MINDY2: variants seen among roughly 807,000 people sequenced by gnomAD.
The protein encoded by MINDY2 is MINDY lysine 48 deubiquitinase 2, also known as ubiquitin carboxyl-terminal hydrolase MINDY-2.
In MINDY2, 52 loss-of-function variants were observed where a neutral mutation model predicts 68.2. That is an observed-to-expected ratio of 0.76 (90% CI 0.61 to 0.96). The LOEUF is 0.96. MINDY2 is among the 40% of genes least tolerant of loss of function. MINDY2 has a pLI of 0.00. For synonymous variants in MINDY2, 372 were observed against 303.0 expected (o/e 1.23, Z -2.36); for missense variants, 881 against 773.4 (o/e 1.14, Z -1.65).
At chr15:58,842,686 T>C (rs1206304066) in intron 6 of MINDY2, among the ~76,000 whole-genome samples, 11 of 152,356 alleles carry the variant, frequency 7.2e-5, no homozygotes, top group African/African-American at 2.6e-4. Context: ...ATTTAGATGA[T>C]ACTCATGAAT....
intron 4 of MINDY2, among the ~76,000 whole-genome samples, chr15:58,818,271 T>A (rs2030831235): frequency 6.6e-6 from 1 of 151,886 alleles, no homozygotes; most frequent in Non-Finnish European, 1.5e-5. Context: ...ATTCTGGGGG[T>A]GGGGGAAGAC....
At chr15:58,841,763 A>G (rs2032299659) in intron 6 of MINDY2, among the ~76,000 whole-genome samples, 1 of 152,232 alleles carries the variant, frequency 6.6e-6, no homozygotes, top group Non-Finnish European at 1.5e-5. Flanking sequence ...TGAGGAGACC[A>G]TAAGAGAGCA....
intron 3 of MINDY2, among the ~76,000 whole-genome samples, chr15:58,807,783 C>CT (rs1182176942): frequency 7.9e-5 from 12 of 152,160 alleles, no homozygotes; most frequent in African/African-American, 2.9e-4. Flanking sequence ...GTCTCTTAGA[C>CT]TTTATCTCCT....
chr15:58,831,190 G>A (rs760617703), intron 5 of MINDY2, among the ~76,000 whole-genome samples: 7 of 151,764 alleles, frequency 4.6e-5, no homozygotes, highest in Non-Finnish European at 1.0e-4. Context: ...GCATAAAAAT[G>A]GCATAAAAAA....
intron 6 of MINDY2, among the ~76,000 whole-genome samples, chr15:58,842,165 A>T (rs1248591248): frequency 1.3e-5 from 2 of 151,954 alleles, no homozygotes; most frequent in Non-Finnish European, 2.9e-5. Flanking sequence ...CTTTATATTC[A>T]TGTCATAACT....
intron 1 of MINDY2, among the ~76,000 whole-genome samples, 170 bp from the exon 2 acceptor site, chr15:58,787,736 C>CAAAAAAA (rs5812951): frequency 3.2e-5 from 3 of 92,862 alleles, no homozygotes; most frequent in African/African-American, 7.8e-5. Flanking sequence ...GAGTCCGTCT[C>CAAAAAAA]AAAAAAAAAA....
chr15:58,771,309 C>G lies in MINDY2; in HGVS notation c.-87C>G. 6.6e-7 allele frequency: 1 copy of G among 1,517,994 alleles called. No individual in the cohort carries two copies. Among genetic ancestry groups the G allele is most frequent in the East Asian group, 2.5e-5 (1 of 40,792 alleles). 94.0% of individuals were successfully genotyped at this position (1,517,994 alleles called of 1,614,324 possible). A position where few individuals can be genotyped will look rare whatever the true frequency, so the allele number is the denominator to read the frequency against. The stretch of plus-strand genomic sequence containing the variant: ...CCGAGGCCGCGCCAGGGCGCTGTTG[C>G]TGCCAATACAGCTGTCATGGCGTCC... On this transcript the variant is annotated 5_prime_UTR_variant, in exon 1 of 9. Transcript: ENST00000559228.
At chr15:58,830,852 G>T (rs138908932) in intron 5 of MINDY2, among the ~76,000 whole-genome samples, 6 of 152,128 alleles carry the variant, frequency 3.9e-5, no homozygotes, top group Non-Finnish European at 7.4e-5. Context: ...CTGGGAATGT[G>T]CACATTGGGC....
rs2033162378 is a variant in MINDY2, at chr15:58,859,682, G to A, written c.*5072G>A. 1 of 152,072 alleles carries A rather than the reference G, an allele frequency of 6.6e-6. No homozygotes were observed. The allele number at this position is 152,072 out of a possible 1,614,324, so 9.4% of individuals were successfully genotyped here. A position where few individuals can be genotyped will look rare whatever the true frequency, so the allele number is the denominator to read the frequency against. On this transcript the variant is annotated 3_prime_UTR_variant, in exon 9 of 9. Coordinates refer to ENST00000559228, the MANE Select transcript of MINDY2 (RefSeq NM_001040450.3). ...ATGGCATGGGAGAGGCCAGATGCAG[G>A]ACTCTGGTAAATTTAACTTACTTTG...
At chr15:58,842,786 C>T (rs2032344788) in intron 6 of MINDY2, among the ~76,000 whole-genome samples, 1 of 152,182 alleles carries the variant, frequency 6.6e-6, no homozygotes, top group Admixed American at 6.6e-5. Context: ...CACAACTCCT[C>T]TGTGAGGAGT....
intron 3 of MINDY2, among the ~76,000 whole-genome samples, chr15:58,809,853 C>G (rs1390522709): frequency 2.6e-5 from 4 of 152,214 alleles, no homozygotes; most frequent in African/African-American, 9.6e-5. Flanking sequence ...AATCTCAGCT[C>G]ACTGCAACCT....
At chr15:58,845,699 TATAC>T (rs2141055190) in intron 6 of MINDY2, among the ~76,000 whole-genome samples, 1 of 152,200 alleles carries the variant, frequency 6.6e-6, no homozygotes, top group East Asian at 1.9e-4. Context: ...CTCCTAAGAA[TATAC>T]TCAAAAGAAA....
At chr15:58,799,572 C>G (rs1308222223) in intron 2 of MINDY2, among the ~76,000 whole-genome samples, 1 of 112,386 alleles carries the variant, frequency 8.9e-6, no homozygotes, top group Admixed American at 9.2e-5. Context: ...GAGCGAGACT[C>G]CATCTCAAAA....
chr15:58,792,356 C>T (rs529934500), intron 2 of MINDY2, among the ~76,000 whole-genome samples: 110 of 152,292 alleles, frequency 7.2e-4, no homozygotes, highest in Non-Finnish European at 1.3e-3. Context: ...GCCTGTAATC[C>T]CAGCATTTTG....
chr15:58,772,253 C>G lies in MINDY2; in HGVS notation c.840+18C>G. The G allele has an allele frequency of 6.2e-7, 1 of 1,606,258 alleles. No homozygotes were observed. The highest frequency in any genetic ancestry group is 8.5e-7 in the Non-Finnish European group (1 of 1,179,766). ...CCTGGAAGGTACATTCTGCAGCTTTCTACTTCCTACAGCTTTTGGGGTGGA... is the reference window on the plus strand; with the variant it reads ...CCTGGAAGGTACATTCTGCAGCTTTGTACTTCCTACAGCTTTTGGGGTGGA... On this transcript the variant is annotated intron_variant, in intron 1 of 8. Transcript: ENST00000559228.
intron 3 of MINDY2, among the ~76,000 whole-genome samples, chr15:58,802,604 T>C (rs148797156): frequency 2.0e-5 from 3 of 152,288 alleles, no homozygotes; most frequent in African/African-American, 7.2e-5. Context: ...TTTCCTTTTT[T>C]TCTCATTTTT....
At chr15:58,778,813 T>G (rs1900945765) in intron 1 of MINDY2, among the ~76,000 whole-genome samples, 1 of 94,884 alleles carries the variant, frequency 1.1e-5, no homozygotes, top group Admixed American at 1.0e-4. Context: ...TTTTTTTCTT[T>G]TTTTTTTTTT....
intron 6 of MINDY2, among the ~76,000 whole-genome samples, chr15:58,838,807 C>G (rs2032132908): frequency 6.6e-6 from 1 of 151,938 alleles, no homozygotes; most frequent in Non-Finnish European, 1.5e-5. Context: ...TCTCAAATCC[C>G]TGACATCAAG....
At chr15:58,781,290 G>A (rs541221447) in intron 1 of MINDY2, among the ~76,000 whole-genome samples, 3 of 152,014 alleles carry the variant, frequency 2.0e-5, no homozygotes, top group Admixed American at 6.6e-5. Flanking sequence ...GACCTCAGGC[G>A]ATCAGCCCAC....
Sources: gnomAD v4.1 joint callset for allele counts (sites outside exome capture counted in the v4.1 genomes callset) on GRCh38, gnomAD v4.1.1 for gene constraint, MANE v1.5 for transcripts, NCBI Gene and HGNC (gene_info 2026-07-23, HGNC 2026-07-21) for gene names.